DYNC1I1: variants seen among roughly 807,000 people sequenced by gnomAD.
DYNC1I1 encodes cytoplasmic dynein 1 intermediate chain 1.
A neutral mutation model predicts 86.6 loss-of-function variants in DYNC1I1; 43 were observed. That is an observed-to-expected ratio of 0.50 (90% CI 0.39 to 0.64). The LOEUF (loss-of-function observed/expected upper bound fraction) is 0.64, where lower values mean the gene tolerates loss of function less well. DYNC1I1 is among the 30% of genes least tolerant of loss of function. DYNC1I1 has a pLI of 0.00. For missense variants in DYNC1I1, 604 were observed against 788.8 expected, an observed-to-expected ratio of 0.77 and a Z score of 2.81; for synonymous variants, 262 against 283.7, an observed-to-expected ratio of 0.92 and a Z score of 0.77.
chr7:96,093,996 TG>T (rs1790924093), intron 16 of DYNC1I1, among the ~76,000 whole-genome samples: 1 of 152,196 alleles, frequency 6.6e-6, no homozygotes, highest in Non-Finnish European at 1.5e-5. Context: ...CCCTGTTACT[TG>T]CTTGACACAC....
intron 6 of DYNC1I1, among the ~76,000 whole-genome samples, chr7:95,950,281 C>G (rs1792517742): frequency 6.6e-6 from 1 of 152,190 alleles, no homozygotes; most frequent in Admixed American, 6.5e-5. Flanking sequence ...GAAGATGTCA[C>G]TATCATCATT....
chr7:96,005,459 A>T (rs552829390), intron 10 of DYNC1I1, among the ~76,000 whole-genome samples: 1 of 152,170 alleles, frequency 6.6e-6, no homozygotes, highest in Non-Finnish European at 1.5e-5. Flanking sequence ...GTGAACAGCG[A>T]TGTTGCATAT....
chr7:95,790,008 G>T (rs1011528018), intron 1 of DYNC1I1, among the ~76,000 whole-genome samples: 4 of 152,130 alleles, frequency 2.6e-5, no homozygotes, highest in Non-Finnish European at 5.9e-5. Context: ...TCACCAGTGG[G>T]TTGCAACCCA....
At chr7:95,933,326 G>A (rs1004110616) in intron 6 of DYNC1I1, among the ~76,000 whole-genome samples, 2 of 152,146 alleles carry the variant, frequency 1.3e-5, no homozygotes, top group African/African-American at 4.8e-5. Context: ...TCCACAGCCG[G>A]TTTGAGATTC....
At chr7:95,859,406 A>G (rs955789674) in intron 5 of DYNC1I1, among the ~76,000 whole-genome samples, 1 of 152,178 alleles carries the variant, frequency 6.6e-6, no homozygotes, top group Middle Eastern at 3.2e-3. Context: ...GTCATGCATC[A>G]GTGTCTGTGC....
At chr7:95,930,653 T>C (rs1791868175) in intron 6 of DYNC1I1, among the ~76,000 whole-genome samples, 1 of 152,234 alleles carries the variant, frequency 6.6e-6, no homozygotes. Context: ...TGTTATTGGC[T>C]ATCTGGAGCT....
chr7:96,061,017 G>A (rs1225747778), intron 14 of DYNC1I1, among the ~76,000 whole-genome samples: 6 of 152,134 alleles, frequency 3.9e-5, no homozygotes, highest in African/African-American at 1.2e-4. Context: ...GGGATTGTGG[G>A]GTGAGGGAGG....
intron 14 of DYNC1I1, among the ~76,000 whole-genome samples, chr7:96,047,039 C>A (rs1277870645): frequency 6.6e-6 from 1 of 152,124 alleles, no homozygotes; most frequent in East Asian, 1.9e-4. Flanking sequence ...CTGATATGTC[C>A]AAGATCAAGG....
At chr7:96,024,050 T>C (rs1794618568) in intron 10 of DYNC1I1, among the ~76,000 whole-genome samples, 1 of 152,182 alleles carries the variant, frequency 6.6e-6, no homozygotes, top group Non-Finnish European at 1.5e-5. Flanking sequence ...TCTTACCAGT[T>C]TTTCATCAAG....
At chr7:95,979,402 C>A (rs574962345) in intron 7 of DYNC1I1, among the ~76,000 whole-genome samples, 2 of 152,302 alleles carry the variant, frequency 1.3e-5, no homozygotes, top group South Asian at 4.1e-4. Context: ...CAATACTTGG[C>A]ACAAAGTAAG....
intron 6 of DYNC1I1, among the ~76,000 whole-genome samples, chr7:95,899,293 A>G (rs1265968139): frequency 6.6e-6 from 1 of 152,188 alleles, no homozygotes; most frequent in East Asian, 1.9e-4. Context: ...GCTCTGCATA[A>G]GGATTTCTGA....
intron 10 of DYNC1I1, among the ~76,000 whole-genome samples, chr7:96,013,445 T>A (rs1298983337): frequency 6.6e-6 from 1 of 152,008 alleles, no homozygotes; most frequent in Non-Finnish European, 1.5e-5. Flanking sequence ...GTGTCATAAT[T>A]TGTTTTTGTT....
chr7:95,913,028 A>G (rs1791378884), intron 6 of DYNC1I1, among the ~76,000 whole-genome samples: 1 of 152,184 alleles, frequency 6.6e-6, no homozygotes, highest in Admixed American at 6.5e-5. Flanking sequence ...TTAATGCTCT[A>G]CCACTATTGG....
At chr7:95,936,956 T>TCTCACACACACACACACACACACACA (rs750834189) in intron 6 of DYNC1I1, among the ~76,000 whole-genome samples, 51 of 134,280 alleles carry the variant, frequency 3.8e-4, no homozygotes, top group African/African-American at 9.7e-4. Flanking sequence ...AGAATATGTC[T>TCTCACACACACACACACACACACACA]CACACACACA....
chr7:95,932,165 A>T (rs1791916532), intron 6 of DYNC1I1, among the ~76,000 whole-genome samples: 1 of 152,180 alleles, frequency 6.6e-6, no homozygotes, highest in Admixed American at 6.5e-5. Context: ...AGCAGGATAA[A>T]GTTAAACTTA....
At chr7:95,817,893 C>T (rs1794981930) in intron 4 of DYNC1I1, among the ~76,000 whole-genome samples, 1 of 152,134 alleles carries the variant, frequency 6.6e-6, no homozygotes, top group Admixed American at 6.6e-5. Context: ...GTTGTAATTC[C>T]TTAGGGTTCG....
At chr7:95,796,084 G>A (rs1036300285) in intron 1 of DYNC1I1, among the ~76,000 whole-genome samples, 6 of 151,402 alleles carry the variant, frequency 4.0e-5, no homozygotes, top group Non-Finnish European at 5.9e-5. Context: ...TTAGGACAAA[G>A]GAATAAAAAA....
chr7:95,975,285 C>T (rs1793274422), intron 6 of DYNC1I1, among the ~76,000 whole-genome samples: 1 of 152,172 alleles, frequency 6.6e-6, no homozygotes, highest in Non-Finnish European at 1.5e-5. Flanking sequence ...GCTGTTTAAA[C>T]AACAGAAATG....
At chr7:95,799,957 AG>A (rs1794538730) in intron 1 of DYNC1I1, among the ~76,000 whole-genome samples, 1 of 151,662 alleles carries the variant, frequency 6.6e-6, no homozygotes, top group South Asian at 2.1e-4. Flanking sequence ...AAGGAAGAGG[AG>A]GAGGAGGAGA....
Sources: allele counts gnomAD v4.1 joint callset (sites outside exome capture counted in the v4.1 genomes callset), GRCh38; gene constraint gnomAD v4.1.1; transcripts MANE v1.5; gene names NCBI Gene and HGNC (gene_info 2026-07-23, HGNC 2026-07-21).